The following AGBL1 variants were observed in gnomAD, a reference collection of about 807,000 sequenced individuals.
The protein encoded by AGBL1 is cytosolic carboxypeptidase 4.
A neutral mutation model predicts 118.9 loss-of-function variants in AGBL1; 130 were observed. The ratio of observed to expected loss-of-function variants is 1.09; its 90% CI spans 0.95 to 1.26. The LOEUF is 1.26. AGBL1 is among the 50% of genes most tolerant of loss of function. The pLI, the probability that AGBL1 is intolerant of heterozygous loss-of-function variation, is 0.00. For missense variants in AGBL1, 1,584 were observed against 1,298.1 expected (o/e 1.22, Z -3.38); for synonymous variants, 555 against 478.9 (o/e 1.16, Z -2.08).
At chr15:86,398,665 G>A (rs189174020) in intron 18 of AGBL1, among the ~76,000 whole-genome samples, 1 of 152,140 alleles carries the variant, frequency 6.6e-6, no homozygotes, top group East Asian at 1.9e-4. Flanking sequence ...AAATAAGAAT[G>A]ATGTAAGAAA....
chr15:86,835,713 G>A (rs942556060), intron 22 of AGBL1, among the ~76,000 whole-genome samples: 2 of 152,170 alleles, frequency 1.3e-5, no homozygotes, highest in African/African-American at 4.8e-5. Flanking sequence ...TAGGGTCTGA[G>A]CTGAAAGTTT....
At chr15:86,993,815 AT>A (rs2081354316) in intron 24 of AGBL1, among the ~76,000 whole-genome samples, 1 of 152,112 alleles carries the variant, frequency 6.6e-6, no homozygotes, top group Non-Finnish European at 1.5e-5. Flanking sequence ...GCTTTTTGTC[AT>A]TTTATTAGCG....
intron 23 of AGBL1, among the ~76,000 whole-genome samples, chr15:86,971,688 A>T (rs749802667): frequency 2.0e-5 from 3 of 152,122 alleles, no homozygotes; most frequent in East Asian, 1.9e-4. Context: ...GTATCTGGAA[A>T]CATTGCAGCT....
intron 13 of AGBL1, among the ~76,000 whole-genome samples, chr15:86,267,566 C>T (rs1450747732): frequency 1.3e-5 from 2 of 151,956 alleles, no homozygotes; most frequent in Admixed American, 6.6e-5. Flanking sequence ...GTGAACCATC[C>T]TGCATTCAAG....
Position 86,383,986 on chromosome 15 carries a change from A to C in AGBL1, c.2375-13380A>C, listed in dbSNP as rs756751387. Among the ~76,000 whole-genome samples, 35 of 152,224 alleles carry C rather than the reference A, an allele frequency of 2.3e-4. 1 individual carries two copies. The highest frequency in any genetic ancestry group is 4.6e-4 in the Non-Finnish European group (31 of 68,038). ...TCTCTTAGTGCTTTATAATATGTCT[A>C]AACCTAGTGAAATGTAATAAAGTAT... On this transcript the variant is annotated intron_variant, in intron 17 of 22. Transcript: ENST00000614907.
chr15:86,987,216 C>G (rs191491227), intron 23 of AGBL1, among the ~76,000 whole-genome samples: 20 of 152,262 alleles, frequency 1.3e-4, no homozygotes, highest in East Asian at 3.9e-4. Flanking sequence ...AGGTGCAGGT[C>G]ACAGGGGATA....
In AGBL1 at chr15:86,825,409, A is replaced by C. The variant is rs1320769691; in HGVS notation, c.3159-81678A>C. Among the ~76,000 whole-genome samples the C allele has an allele frequency of 2.1e-5, 3 of 144,194 alleles. No homozygotes were observed. In the East Asian group the frequency reaches 5.9e-4, roughly 29 times the overall value. 94.6% of individuals were successfully genotyped at this position (144,194 alleles called of 152,430 possible). A position where few individuals can be genotyped will look rare whatever the true frequency, so the allele number is the denominator to read the frequency against. ...CTGTAAAAAAAAAAAAAAAAAAAAA[A>C]AAAAAAAAAAAAAAGGTTGCAAGCC... is the stretch of plus-strand genomic sequence containing the variant. On this transcript the variant is annotated intron_variant, in intron 22 of 22. Transcript: ENST00000614907.
chr15:86,433,873 C>T (rs560548568), intron 18 of AGBL1, among the ~76,000 whole-genome samples: 1 of 152,304 alleles, frequency 6.6e-6, no homozygotes, highest in African/African-American at 2.4e-5. Flanking sequence ...TCCTTTCTAA[C>T]TGGAATGTGT....
At chr15:86,158,290 A>C (rs2077219726) in intron 4 of AGBL1, among the ~76,000 whole-genome samples, 1 of 152,210 alleles carries the variant, frequency 6.6e-6, no homozygotes, top group African/African-American at 2.4e-5. Context: ...GGGTTGGAGC[A>C]ATTCAGTATC....
chr15:86,657,219 C>G (rs1339808247), intron 21 of AGBL1, among the ~76,000 whole-genome samples: 1 of 152,162 alleles, frequency 6.6e-6, no homozygotes, highest in East Asian at 1.9e-4. Context: ...GGGAGCTGAC[C>G]TGGGACAATG....
At chr15:86,605,916 C>G (rs1302295980) in intron 21 of AGBL1, among the ~76,000 whole-genome samples, 1 of 151,874 alleles carries the variant, frequency 6.6e-6, no homozygotes, top group Non-Finnish European at 1.5e-5. Flanking sequence ...CGCCTGAGGT[C>G]AGGAGTTCAA....
chr15:86,316,081 A>G (rs1479138961), intron 17 of AGBL1, among the ~76,000 whole-genome samples: 1 of 152,212 alleles, frequency 6.6e-6, no homozygotes, highest in Non-Finnish European at 1.5e-5. Flanking sequence ...GCTTTGGCAA[A>G]TGAATTTCCT....
intron 22 of AGBL1, among the ~76,000 whole-genome samples, chr15:86,677,023 C>G (rs1352630921): frequency 2.0e-5 from 3 of 151,942 alleles, no homozygotes; most frequent in African/African-American, 7.2e-5. Context: ...CTCAAACAAA[C>G]AACAACAAAA....
At chr15:86,970,530 G>C (rs1015174227) in intron 23 of AGBL1, among the ~76,000 whole-genome samples, 2 of 151,950 alleles carry the variant, frequency 1.3e-5, no homozygotes. Context: ...CAAAGTCATA[G>C]TGGTGGAGCA....
chr15:86,897,563 A>T (rs2080145929), intron 22 of AGBL1, among the ~76,000 whole-genome samples: 1 of 151,330 alleles, frequency 6.6e-6, no homozygotes, highest in Non-Finnish European at 1.5e-5. Flanking sequence ...TTTCTTTCAT[A>T]TTTATTACAT....
At chr15:86,282,332 C>G (rs997052979) in intron 16 of AGBL1, among the ~76,000 whole-genome samples, 4 of 152,054 alleles carry the variant, frequency 2.6e-5, no homozygotes, top group African/African-American at 9.7e-5. Context: ...TTACTGTTAA[C>G]AATATTAATA....
At chr15:86,235,182 C>T (rs62013792) in intron 6 of AGBL1, among the ~76,000 whole-genome samples, 4,134 of 152,240 alleles carry the variant, frequency 0.027, 67 homozygotes, top group Middle Eastern at 0.048. Context: ...TCTGGGGACT[C>T]TGTTTTATTC....
intron 5 of AGBL1, among the ~76,000 whole-genome samples, chr15:86,204,002 C>T (rs2077949143): frequency 6.6e-6 from 1 of 152,126 alleles, no homozygotes; most frequent in South Asian, 2.1e-4. Context: ...AGATATTACA[C>T]TTTACATGAC....
chr15:86,433,266 C>CTTTTTGTTTTTTTTT (rs2081959846), intron 18 of AGBL1, among the ~76,000 whole-genome samples: 1 of 74,886 alleles, frequency 1.3e-5, no homozygotes, highest in Non-Finnish European at 2.5e-5. Context: ...CCTCCTTCTT[C>CTTTTTGTTTTTTTTT]TTTTTTTTTT....
Sources: allele counts gnomAD v4.1 joint callset (sites outside exome capture counted in the v4.1 genomes callset), GRCh38; gene constraint gnomAD v4.1.1; transcripts MANE v1.5; gene names NCBI Gene and HGNC (gene_info 2026-07-23, HGNC 2026-07-21).